The following FARP1 variants were observed in gnomAD, a reference collection of about 807,000 sequenced individuals.
FARP1 encodes the protein FERM, ARHGEF and pleckstrin domain-containing protein 1.
Under a neutral mutation model 128.8 loss-of-function variants are expected in FARP1, and 52 were observed. The observed-to-expected ratio is 0.40, with a 90% CI of 0.32 to 0.51. FARP1 has a LOEUF of 0.51. Ranked by LOEUF, FARP1 falls within the 20% of genes least tolerant of loss-of-function variation. The probability of loss-of-function intolerance (pLI) is 0.45; values close to 1 mark genes in which losing one functional copy is unlikely to be tolerated. For missense variants in FARP1, 1,333 were observed against 1,367.9 expected, an observed-to-expected ratio of 0.97 and a Z score of 0.40; for synonymous variants, 580 against 551.8, an observed-to-expected ratio of 1.05 and a Z score of -0.72.
chr13:98,190,304 C>A (rs921549038), intron 1 of FARP1, among the ~76,000 whole-genome samples: 11 of 152,210 alleles, frequency 7.2e-5, no homozygotes, highest in African/African-American at 2.2e-4. Flanking sequence ...TACCTCCACA[C>A]CACCAGGGTA....
At chr13:98,306,167 C>T (rs1886146038) in intron 2 of FARP1, among the ~76,000 whole-genome samples, 1 of 152,208 alleles carries the variant, frequency 6.6e-6, no homozygotes, top group Admixed American at 6.5e-5. Flanking sequence ...TAACTATGTT[C>T]TAATAACTGA....
intron 17 of FARP1, among the ~76,000 whole-genome samples, chr13:98,428,814 G>C (rs1455555673): frequency 4.6e-5 from 7 of 152,072 alleles, no homozygotes; most frequent in Admixed American, 4.6e-4. Flanking sequence ...GGCCCCCAAG[G>C]ATGTGACGAC....
intron 5 of FARP1, among the ~76,000 whole-genome samples, chr13:98,374,290 G>A (rs1889479692): frequency 6.6e-6 from 1 of 152,152 alleles, no homozygotes; most frequent in South Asian, 2.1e-4. Flanking sequence ...TGGGCATGGT[G>A]GTGTGTACCT....
At chr13:98,411,154 A>G (rs1566300993) in intron 15 of FARP1, among the ~76,000 whole-genome samples, 1 of 152,172 alleles carries the variant, frequency 6.6e-6, no homozygotes, top group Non-Finnish European at 1.5e-5. Context: ...ATTTTTGTTC[A>G]CGGGAGACCT....
At chr13:98,302,004 G>A (rs760896034) in intron 2 of FARP1, among the ~76,000 whole-genome samples, 24 of 151,846 alleles carry the variant, frequency 1.6e-4, no homozygotes, top group Non-Finnish European at 2.9e-4. Flanking sequence ...TCCTTTTAAG[G>A]AATACTTGGT....
intron 16 of FARP1, among the ~76,000 whole-genome samples, chr13:98,423,478 G>A (rs1226154899): frequency 6.6e-6 from 1 of 152,156 alleles, no homozygotes; most frequent in African/African-American, 2.4e-5. Flanking sequence ...TGGTTTTCCT[G>A]AACAGTTGGT....
intron 2 of FARP1, among the ~76,000 whole-genome samples, chr13:98,255,048 G>T (rs57375079): frequency 6.6e-6 from 1 of 152,094 alleles, no homozygotes; most frequent in East Asian, 1.9e-4. Flanking sequence ...TGAGAATGTG[G>T]CTTCATTTGA....
rs58173313 is a variant in FARP1 at position 98,146,234 on chromosome 13, A to AT, written c.-24+2753dup. ...GATTTGTAAGTACTGTACTTGCCTG[A>AT]TTTTTTTTTTTGAGATGGAGTTTTG... On this transcript the variant is annotated intron_variant, in intron 1 of 26. Transcript: ENST00000319562. Among the ~76,000 whole-genome samples, 523 of 150,896 alleles carry AT rather than the reference A, an allele frequency of 3.5e-3. 2 individuals are homozygous for AT. Among genetic ancestry groups the AT allele is most frequent in the African/African-American group, 0.011 (470 of 41,150 alleles).
chr13:98,271,841 C>T (rs527530918), intron 2 of FARP1, among the ~76,000 whole-genome samples: 1 of 152,154 alleles, frequency 6.6e-6, no homozygotes, highest in Non-Finnish European at 1.5e-5. Flanking sequence ...CAGTATATCA[C>T]TGATTTGGGT....
chr13:98,167,267 A>C (rs1362138235), intron 1 of FARP1, among the ~76,000 whole-genome samples: 1 of 152,110 alleles, frequency 6.6e-6, no homozygotes, highest in Admixed American at 6.5e-5. Context: ...ATATGGAGAA[A>C]ATCAGCCCTT....
intron 16 of FARP1, among the ~76,000 whole-genome samples, chr13:98,412,407 A>T (rs985538170): frequency 2.0e-5 from 3 of 152,224 alleles, no homozygotes; most frequent in Non-Finnish European, 4.4e-5. Flanking sequence ...GTCTTTTATG[A>T]AGTACATACA....
chr13:98,305,022 AAG>A (rs149483166), intron 2 of FARP1, among the ~76,000 whole-genome samples: 110 of 149,532 alleles, frequency 7.4e-4, no homozygotes, highest in Admixed American at 8.0e-4. Flanking sequence ...TGCTTTTAGC[AAG>A]AGAGAGAGAG....
chr13:98,203,263 G>A (rs758585672), intron 1 of FARP1, among the ~76,000 whole-genome samples: 3 of 152,132 alleles, frequency 2.0e-5, no homozygotes, highest in African/African-American at 7.2e-5. Flanking sequence ...ATCACAAATC[G>A]TAACTTTGAC....
chr13:98,249,154 A>G lies in FARP1; in HGVS notation c.171+35741A>G, dbSNP rs79523443. On this transcript the variant is annotated intron_variant, in intron 2 of 26. Coordinates refer to ENST00000319562, the MANE Select transcript of FARP1 (RefSeq NM_005766.4). ...AGTGTTCCCTAGTTCAGTGGTGACCATGTAGAGTGCAACTACAGCAAATAA... is the reference window on the plus strand; with the variant it reads ...AGTGTTCCCTAGTTCAGTGGTGACCGTGTAGAGTGCAACTACAGCAAATAA... Among the ~76,000 whole-genome samples the G allele has an allele frequency of 6.5e-4, 99 of 152,228 alleles. 5 individuals carry two copies. The East Asian group carries it at 0.019, about 29-fold the overall frequency.
At chr13:98,345,381 C>T (rs982942590) in intron 3 of FARP1, 3 of 152,214 alleles carry the variant, frequency 2.0e-5, no homozygotes, top group African/African-American at 7.2e-5. Flanking sequence ...GCTAATGGCA[C>T]AGCTAAGATT....
In FARP1 at chr13:98,444,155, C is replaced by T. The variant is rs182606996; in HGVS notation, c.2797-1943C>T. ...CCCATGTTGCAGGGCTCCGGTCTGC[C>T]GTGTCACCAGCTGTCCTCCCTGTAT... is the stretch of plus-strand genomic sequence containing the variant. On this transcript the variant is annotated intron_variant, in intron 24 of 26. Coordinates refer to ENST00000319562, the MANE Select transcript of FARP1 (RefSeq NM_005766.4). Among the ~76,000 whole-genome samples the T allele has an allele frequency of 1.8e-4, 27 of 152,160 alleles. No individual in the cohort carries two copies. The East Asian group carries it at 2.9e-3, about 16-fold the overall frequency.
chr13:98,403,123 G>A (rs1890839006), intron 13 of FARP1: 1 of 142,860 alleles, frequency 7.0e-6, no homozygotes, highest in African/African-American at 2.6e-5. Context: ...ATACCAATTT[G>A]TACTTGGAAT....
intron 13 of FARP1, chr13:98,399,390 AC>A (rs1256054200): frequency 1.3e-5 from 2 of 152,184 alleles, no homozygotes; most frequent in Non-Finnish European, 2.9e-5. Context: ...CTACCCTGCC[AC>A]CCTCCAAACC....
In FARP1 at chr13:98,244,437, A is replaced by T. The variant is rs778372024; in HGVS notation, c.171+31024A>T. 138 of 1,518,926 alleles carry T rather than the reference A, an allele frequency of 9.1e-5. 1 individual carries two copies. Among genetic ancestry groups the T allele is most frequent in the Admixed American group, 1.5e-4 (7 of 48,028 alleles). The allele number at this position is 1,518,926 out of a possible 1,614,324, so 94.1% of individuals were successfully genotyped here. A position where few individuals can be genotyped will look rare whatever the true frequency, so the allele number is the denominator to read the frequency against. ...TTATTGTTACTGTTTTTTAAAAAAC[A>T]ACAACAAAAAGCGCCTTTTCAAGGG... On this transcript the variant is annotated intron_variant, in intron 2 of 26. Transcript: ENST00000319562.
Sources: allele counts gnomAD v4.1 joint callset (sites outside exome capture counted in the v4.1 genomes callset), GRCh38; gene constraint gnomAD v4.1.1; transcripts MANE v1.5; gene names NCBI Gene and HGNC (gene_info 2026-07-23, HGNC 2026-07-21).